Variants in KCNH7 observed in about 807,000 individuals in gnomAD.
KCNH7 encodes the protein potassium voltage-gated channel subfamily H member 7, also known as voltage-gated inwardly rectifying potassium channel KCNH7.
Under a neutral mutation model 120.8 loss-of-function variants are expected in KCNH7, and 49 were observed. The observed-to-expected ratio is 0.41, with a 90% confidence interval of 0.32 to 0.51. The LOEUF (loss-of-function observed/expected upper bound fraction) is 0.51. KCNH7 is among the 20% of genes least tolerant of loss of function. The probability of loss-of-function intolerance (pLI) is 0.38; values close to 1 mark genes in which losing one functional copy is unlikely to be tolerated. For missense variants in KCNH7, 1,097 were observed against 1,446.6 expected (o/e 0.76, Z 3.92); for synonymous variants, 547 against 516.1 (o/e 1.06, Z -0.81).
intron 2 of KCNH7, among the ~76,000 whole-genome samples, chr2:162,828,242 A>C (rs774661122): frequency 1.9e-4 from 29 of 152,134 alleles, no homozygotes; most frequent in Non-Finnish European, 3.4e-4. Flanking sequence ...AAATACCTTA[A>C]GATTATGTTA....
At chr2:162,438,428 T>G (rs930026864) in intron 7 of KCNH7, among the ~76,000 whole-genome samples, 1 of 152,102 alleles carries the variant, frequency 6.6e-6, no homozygotes, top group Non-Finnish European at 1.5e-5. Context: ...AACATACAAG[T>G]GACATCATTT....
At chr2:162,834,770 G>T (rs957405541) in intron 2 of KCNH7, among the ~76,000 whole-genome samples, 1 of 152,064 alleles carries the variant, frequency 6.6e-6, no homozygotes. Context: ...GCCACTTGCG[G>T]TGTAATAGAT....
chr2:162,435,475 A>G lies in KCNH7; in HGVS notation c.1677T>C (p.Phe559=). Residue 559 remains phenylalanine (F), a synonymous_variant, in exon 8 of 16, where the codon TTT becomes TTC. Transcript: ENST00000332142. The part of the protein sequence containing the change: ...AAVLMLLMCI[F]ALIAHWLACI... Reference sequence around the variant, plus strand: ...AAGCCAGCCAGTGAGCAATCAGGGCAAAGATGCACATTAAGAGCATTAGAA... The same window carrying G: ...AAGCCAGCCAGTGAGCAATCAGGGCGAAGATGCACATTAAGAGCATTAGAA... The G allele has an allele frequency of 6.2e-7, 1 of 1,613,850 alleles. No individual in the cohort carries two copies. Among genetic ancestry groups the G allele is most frequent in the Admixed American group, 1.7e-5 (1 of 59,906 alleles).
intron 2 of KCNH7, among the ~76,000 whole-genome samples, chr2:162,574,274 A>G (rs1288493041): frequency 6.6e-6 from 1 of 152,040 alleles, no homozygotes; most frequent in East Asian, 1.9e-4. Flanking sequence ...TGGGCTGTAC[A>G]TTCTGACTTT....
At chr2:162,603,906 G>A (rs533522717) in intron 2 of KCNH7, among the ~76,000 whole-genome samples, 1 of 152,050 alleles carries the variant, frequency 6.6e-6, no homozygotes, top group African/African-American at 2.4e-5. Context: ...GTTTTCATTT[G>A]TTATAGATGG....
intron 2 of KCNH7, among the ~76,000 whole-genome samples, chr2:162,763,473 T>G (rs1201294888): frequency 6.6e-6 from 1 of 152,132 alleles, no homozygotes; most frequent in Admixed American, 6.6e-5. Context: ...TTACACAGTG[T>G]GCTTCTTTCT....
intron 9 of KCNH7, among the ~76,000 whole-genome samples, chr2:162,422,511 G>A (rs543598022): frequency 6.6e-6 from 1 of 152,074 alleles, no homozygotes. Context: ...TCTACGATAT[G>A]TCATAGAATT....
intron 2 of KCNH7, among the ~76,000 whole-genome samples, chr2:162,835,988 C>T (rs1415760041): frequency 1.3e-5 from 2 of 152,100 alleles, no homozygotes; most frequent in African/African-American, 2.4e-5. Flanking sequence ...TTTGAATATG[C>T]ACAGGTTAAC....
At chr2:162,661,031 GATTT>G (rs1684940552) in intron 2 of KCNH7, among the ~76,000 whole-genome samples, 1 of 151,988 alleles carries the variant, frequency 6.6e-6, no homozygotes, top group Non-Finnish European at 1.5e-5. Context: ...TAAAATATTT[GATTT>G]ATTATTATTT....
intron 9 of KCNH7, among the ~76,000 whole-genome samples, chr2:162,407,495 G>T (rs1262546956): frequency 6.6e-6 from 1 of 151,998 alleles, no homozygotes; most frequent in African/African-American, 2.4e-5. Context: ...AGGCAGAGGG[G>T]ATTTATTGCT....
intron 6 of KCNH7, among the ~76,000 whole-genome samples, chr2:162,452,140 A>G (rs946347507): frequency 6.6e-6 from 1 of 152,096 alleles, no homozygotes; most frequent in African/African-American, 2.4e-5. Context: ...GCTTTGCCTC[A>G]GAACAATCCA....
At chr2:162,376,276 G>A (rs1438289993) in intron 14 of KCNH7, among the ~76,000 whole-genome samples, 2 of 151,998 alleles carry the variant, frequency 1.3e-5, no homozygotes, top group East Asian at 1.9e-4. Flanking sequence ...CCATACTAGA[G>A]GCATGCAGAT....
intron 2 of KCNH7, among the ~76,000 whole-genome samples, chr2:162,640,695 A>G (rs1046182215): frequency 1.3e-5 from 2 of 152,140 alleles, no homozygotes; most frequent in Non-Finnish European, 2.9e-5. Flanking sequence ...GGAAAAATTG[A>G]CAATTTGGAT....
At chr2:162,622,971 A>G in intron 2 of KCNH7, among the ~76,000 whole-genome samples, 1 of 152,258 alleles carries the variant, frequency 6.6e-6, no homozygotes, top group South Asian at 2.1e-4. Context: ...TATTCTATGA[A>G]CCTAATTAGC....
chr2:162,719,443 T>G (rs1220049781), intron 2 of KCNH7, among the ~76,000 whole-genome samples: 1 of 152,046 alleles, frequency 6.6e-6, no homozygotes, highest in Admixed American at 6.6e-5. Flanking sequence ...GTCAAAATAC[T>G]AACAATGGGT....
intron 2 of KCNH7, among the ~76,000 whole-genome samples, chr2:162,779,082 T>A (rs10210735): frequency 0.28 from 42,503 of 152,018 alleles, 6,884 homozygotes; most frequent in African/African-American, 0.45. Flanking sequence ...TAATTTGTTT[T>A]GTTTTGTTGG....
Position 162,584,474 on chromosome 2 carries a change from G to A in KCNH7, c.308-47394C>T, listed in dbSNP as rs188933780. Among the ~76,000 whole-genome samples, 118 of 152,202 alleles carry A rather than the reference G, an allele frequency of 7.8e-4. 2 individuals carry two copies. Among genetic ancestry groups the A allele is most frequent in the Admixed American group, 4.0e-3 (61 of 15,266 alleles). ...TATCTCAAACTTGGGAGCCAAGAAG[G>A]TGGACCCCAGGTACAACCTAAAGTG... On this transcript the variant is annotated intron_variant, in intron 2 of 15. Coordinates refer to ENST00000332142, the MANE Select transcript of KCNH7 (RefSeq NM_033272.4).
chr2:162,649,489 C>A (rs1574219824), intron 2 of KCNH7, among the ~76,000 whole-genome samples: 2 of 152,262 alleles, frequency 1.3e-5, no homozygotes, highest in South Asian at 4.1e-4. Flanking sequence ...AATATTAACT[C>A]TCTCCTGATA....
chr2:162,750,675 A>T (rs1688507480), intron 2 of KCNH7, among the ~76,000 whole-genome samples: 1 of 152,178 alleles, frequency 6.6e-6, no homozygotes, highest in Non-Finnish European at 1.5e-5. Flanking sequence ...AAGTTAATAG[A>T]TATGTTTAAC....
Sources: allele counts gnomAD v4.1 joint callset (sites outside exome capture counted in the v4.1 genomes callset), GRCh38; gene constraint gnomAD v4.1.1; transcripts MANE v1.5; gene names NCBI Gene and HGNC (gene_info 2026-07-23, HGNC 2026-07-21).